The following CEP290 variants were observed in gnomAD, a reference collection of about 807,000 sequenced individuals.
The protein encoded by CEP290 is centrosomal protein of 290 kDa.
A neutral mutation model predicts 344.9 loss-of-function variants in CEP290; 317 were observed. That is an observed-to-expected ratio of 0.92 (90% confidence interval 0.84 to 1.01). The LOEUF (loss-of-function observed/expected upper bound fraction) is 1.01. Ranked by LOEUF, CEP290 falls within the 50% of genes least tolerant of loss-of-function variation. The probability of loss-of-function intolerance (pLI) is 0.00; values close to 1 mark genes in which losing one functional copy is unlikely to be tolerated. For missense variants in CEP290, 2,754 were observed against 2,761.4 expected, an observed-to-expected ratio of 1.00 and a Z score of 0.06; for synonymous variants, 932 against 895.8, an observed-to-expected ratio of 1.04 and a Z score of -0.72.
Position 88,053,698 on chromosome 12 carries a change from C to G in CEP290, c.7083G>C (p.Gln2361His), listed in dbSNP as rs201801456. The G allele has an allele frequency of 6.4e-7, 1 of 1,554,732 alleles. No individual in the cohort carries two copies. Among genetic ancestry groups the G allele is most frequent in the Admixed American group, 1.9e-5 (1 of 52,654 alleles). ...LDKEKAELIH[Q>H]IEANKDQSGA... ...CACTTTGGTCCTTGTTAGCTTCTATCTGATGGATTAATTCTGCTTTCTCTT... is the reference window on the plus strand; with the variant it reads ...CACTTTGGTCCTTGTTAGCTTCTATGTGATGGATTAATTCTGCTTTCTCTT... The change falls in exon 52 of 54, where the codon CAG (glutamine) becomes CAC (histidine). Residue 2361 changes from glutamine (Q) to histidine (H), a missense_variant. Transcript: ENST00000552810.
chr12:88,138,984 T>C (rs1215892828), intron 5 of CEP290, among the ~76,000 whole-genome samples, 161 bp downstream of exon 5: 1 of 152,162 alleles, frequency 6.6e-6, no homozygotes, highest in Non-Finnish European at 1.5e-5. Context: ...TAGTACTATA[T>C]AAGGCACATA....
intron 5 of CEP290, among the ~76,000 whole-genome samples, chr12:88,138,472 CA>C (rs2040462164): frequency 6.6e-6 from 1 of 152,164 alleles, no homozygotes; most frequent in African/African-American, 2.4e-5. Context: ...GACTAGAACT[CA>C]AATCTGTCTG....
chr12:88,107,168 C>G (rs2038347803), intron 23 of CEP290, 70 bp from the exon 24 acceptor site: 3 of 963,536 alleles, frequency 3.1e-6, no homozygotes, highest in Non-Finnish European at 4.4e-6. Flanking sequence ...AAGATAACTT[C>G]AGATTATGCA....
At chr12:88,075,044 G>A (rs2035658215) in intron 41 of CEP290, among the ~76,000 whole-genome samples, 2 of 152,214 alleles carry the variant, frequency 1.3e-5, no homozygotes, top group Admixed American at 1.3e-4. Context: ...AACTTCGGAA[G>A]TCACGGAGGC....
Position 88,139,040 on chromosome 12 carries a change from C to T in CEP290, c.297+105G>A, listed in dbSNP as rs896243891. On this transcript the variant is annotated intron_variant, in intron 5 of 53. Transcript: ENST00000552810. The stretch of plus-strand genomic sequence containing the variant: ...CAGAATAAACAAATAACCATGATTA[C>T]AATCATCCTTATAATTTTTCCAGCC... 35 of 642,240 alleles carry T rather than the reference C, an allele frequency of 5.4e-5. No individual in the cohort carries two copies. In the East Asian group the frequency reaches 1.1e-3, roughly 20 times the overall value. The allele number at this position is 642,240 out of a possible 1,614,324, so 39.8% of individuals were successfully genotyped here. A position where few individuals can be genotyped will look rare whatever the true frequency, so the allele number is the denominator to read the frequency against.
At chr12:88,127,519 G>C (rs1327208523) in intron 11 of CEP290, among the ~76,000 whole-genome samples, 1 of 151,822 alleles carries the variant, frequency 6.6e-6, no homozygotes, top group Non-Finnish European at 1.5e-5. Context: ...AACAAAACAA[G>C]ATATTAGGAG....
chr12:88,103,026 A>G lies in CEP290; in HGVS notation c.2818-15T>C. The G allele has an allele frequency of 6.6e-7, 1 of 1,511,202 alleles. No homozygotes were observed. The highest frequency in any genetic ancestry group is 2.5e-5 in the East Asian group (1 of 40,084). 93.6% of individuals were successfully genotyped at this position (1,511,202 alleles called of 1,614,324 possible). A position where few individuals can be genotyped will look rare whatever the true frequency, so the allele number is the denominator to read the frequency against. On this transcript the variant is annotated splice_polypyrimidine_tract_variant and intron_variant, in intron 25 of 53. Transcript: ENST00000552810. ...ATGGCCATTTCCTATGTAAATAAAG[A>G]TACACTGAGTTATGCTGGTGTCTTT... is the stretch of plus-strand genomic sequence containing the variant.
intron 26 of CEP290, among the ~76,000 whole-genome samples, chr12:88,102,558 C>T (rs1239909291): frequency 6.6e-6 from 1 of 152,094 alleles, no homozygotes; most frequent in African/African-American, 2.4e-5. Context: ...AGGTTTGATT[C>T]AGCTAAATCA....
intron 18 of CEP290, chr12:88,116,224 C>T (rs377320122): frequency 1.1e-5 from 2 of 189,086 alleles, no homozygotes; most frequent in African/African-American, 4.8e-5. Context: ...TTTATTTCTT[C>T]ATGGCTTTCC....
chr12:88,049,336 T>G lies in CEP290; in HGVS notation c.7288A>C (p.Asn2430His). The G allele has an allele frequency of 2.5e-6, 4 of 1,587,402 alleles. No homozygotes were observed. Among genetic ancestry groups the G allele is most frequent in the Non-Finnish European group, 3.4e-6 (4 of 1,162,128 alleles). ...FFEEIEDLKY[N>H]YKEEVKKNIL... ...TTCTTCTTCACTTCTTCCTTGTAAT[T>G]ATACTTAAGATCTTCAATTTCTTCA... Residue 2430 changes from asparagine to histidine, a missense_variant, in exon 54 of 54, where the codon AAT (asparagine) becomes CAT (histidine). Coordinates refer to ENST00000552810, the MANE Select transcript of CEP290 (RefSeq NM_025114.4).
intron 50 of CEP290, 54 bp downstream of exon 50, chr12:88,055,522 A>G: frequency 6.9e-7 from 1 of 1,446,552 alleles, no homozygotes; most frequent in Middle Eastern, 1.8e-4. Context: ...TGCAAGGAAC[A>G]TCTTGCGATA....
intron 4 of CEP290, 29 bp from the exon 5 acceptor site, chr12:88,139,220 T>C (rs2040502512): frequency 2.2e-6 from 2 of 921,150 alleles, no homozygotes; most frequent in South Asian, 1.9e-5. Flanking sequence ...AGAAAAACGT[T>C]TTAATTGATT....
intron 22 of CEP290, 144 bp from the exon 23 acceptor site, chr12:88,109,325 T>G (rs752092064): frequency 1.3e-4 from 61 of 469,676 alleles, no homozygotes; most frequent in Non-Finnish European, 2.2e-4. Flanking sequence ...CATTTTTCCA[T>G]GATATTTTGA....
chr12:88,122,843 C>T (rs1468004541), intron 13 of CEP290, among the ~76,000 whole-genome samples: 1 of 152,110 alleles, frequency 6.6e-6, no homozygotes, highest in Non-Finnish European at 1.5e-5. Flanking sequence ...AGTCATACCA[C>T]ATTCTCCACG....
intron 44 of CEP290, among the ~76,000 whole-genome samples, chr12:88,065,492 A>G (rs1158038947): frequency 1.3e-5 from 2 of 152,204 alleles, no homozygotes; most frequent in African/African-American, 2.4e-5. Context: ...TTAGGTTAAT[A>G]CTAGGCAAAT....
chr12:88,049,145 TA>T lies in CEP290; in HGVS notation c.*38del. 8.1e-7 allele frequency: 1 copy of T among 1,231,710 alleles called. No homozygotes were observed. Among genetic ancestry groups the T allele is most frequent in the African/African-American group, 1.5e-5 (1 of 64,852 alleles). 76.3% of individuals were successfully genotyped at this position (1,231,710 alleles called of 1,614,324 possible). A position where few individuals can be genotyped will look rare whatever the true frequency, so the allele number is the denominator to read the frequency against. ...TCCAAGTATATTTAACTTATAAAGT[TA>T]ATAAATAGTTAAATGAAACAAAGTT... On this transcript the variant is annotated 3_prime_UTR_variant, in exon 54 of 54. Coordinates refer to ENST00000552810, the MANE Select transcript of CEP290 (RefSeq NM_025114.4).
chr12:88,136,245 C>T lies in CEP290; in HGVS notation c.441+398G>A, dbSNP rs75770126. The T allele has an allele frequency of 2.7e-3, 462 of 170,970 alleles. 3 individuals carry two copies. The highest frequency in any genetic ancestry group is 7.9e-3 in the African/African-American group (329 of 41,610). 10.6% of individuals were successfully genotyped at this position (170,970 alleles called of 1,614,324 possible). The stretch of plus-strand genomic sequence containing the variant: ...TTGAATATATCGAAAGATTCATTTG[C>T]GAATCTACTAATCATATAAATACAT... On this transcript the variant is annotated intron_variant, in intron 6 of 53. Transcript: ENST00000552810.
At chr12:88,064,940 T>C (rs1454816987) in intron 44 of CEP290, among the ~76,000 whole-genome samples, 1 of 152,170 alleles carries the variant, frequency 6.6e-6, no homozygotes, top group Non-Finnish European at 1.5e-5. Flanking sequence ...CCTTCATTCT[T>C]TGAGCTAAAG....
intron 43 of CEP290, among the ~76,000 whole-genome samples, chr12:88,070,757 G>A (rs993192565): frequency 6.6e-6 from 1 of 152,084 alleles, no homozygotes; most frequent in Non-Finnish European, 1.5e-5. Context: ...GGGAAACAAA[G>A]TATCAGAGAG....
Sources: gnomAD v4.1 joint callset for allele counts (sites outside exome capture counted in the v4.1 genomes callset) on GRCh38, gnomAD v4.1.1 for gene constraint, MANE v1.5 for transcripts, NCBI Gene and HGNC (gene_info 2026-07-23, HGNC 2026-07-21) for gene names.